The following ARFGEF1 variants were observed in gnomAD, a reference collection of about 807,000 sequenced individuals.
ARFGEF1 encodes the protein brefeldin A-inhibited guanine nucleotide-exchange protein 1.
ARFGEF1 carries 42 observed loss-of-function variants against 231.0 expected under a neutral mutation model. The ratio of observed to expected loss-of-function variants is 0.18; its 90% CI spans 0.14 to 0.24. The LOEUF is 0.24. Ranked by LOEUF, ARFGEF1 falls within the 10% of genes least tolerant of loss-of-function variation. ARFGEF1 has a pLI of 1.00. For synonymous variants in ARFGEF1, 710 were observed against 732.3 expected (o/e 0.97, Z 0.49); for missense variants, 1,345 against 2,192.0 (o/e 0.61, Z 7.72).
At chr8:67,203,290 A>G (rs762716802) in intron 35 of ARFGEF1, 39 bp from the exon 36 acceptor site, 8 of 1,595,186 alleles carry the variant, frequency 5.0e-6, no homozygotes, top group Middle Eastern at 3.4e-4. Context: ...ACACACAGTC[A>G]CAATAATTTT....
Position 67,227,189 on chromosome 8 carries a change from ATCAGAT to A in ARFGEF1, c.3858_3863del (p.Ser1287_Asp1288del). 6.2e-7 allele frequency: 1 copy of A among 1,612,898 alleles called. No individual in the cohort carries two copies. The highest frequency in any genetic ancestry group is 1.1e-5 in the South Asian group (1 of 91,024). On this transcript the variant is annotated inframe_deletion, in exon 27 of 39. Transcript: ENST00000262215. ...CAAGTTCCACTATGCTTTCATCTTG[ATCAGAT>A]GCAGCTAGATGAAATACAGAGAAAA...
At chr8:67,227,689 T>G in intron 25 of ARFGEF1, 91 bp from the exon 26 acceptor site, 4 of 1,338,962 alleles carry the variant, frequency 3.0e-6, no homozygotes, top group Non-Finnish European at 4.1e-6. Context: ...AAGTATAGAA[T>G]AGCATAGATA....
At chr8:67,224,759 T>A in intron 29 of ARFGEF1, 144 bp downstream of exon 29, 1 of 460,134 alleles carries the variant, frequency 2.2e-6, no homozygotes. Context: ...ATTAACATAT[T>A]TTAAAATATA....
chr8:67,311,512 T>TGGGG (rs1180521239), intron 1 of ARFGEF1, among the ~76,000 whole-genome samples: 10 of 60,164 alleles, frequency 1.7e-4, no homozygotes, highest in African/African-American at 6.6e-4. Flanking sequence ...GGGAGGGAGG[T>TGGGG]GGGGGGGGGT....
rs762078571 is a variant in ARFGEF1, at chr8:67,271,684, C to CCT, written c.1572+16_1572+17dup. 3 of 1,535,718 alleles carry CCT rather than the reference C, an allele frequency of 2.0e-6. No homozygotes were observed. Among genetic ancestry groups the CCT allele is most frequent in the Non-Finnish European group, 2.7e-6 (3 of 1,114,062 alleles). On this transcript the variant is annotated intron_variant, in intron 10 of 38. Transcript: ENST00000262215. ...TGAAATATCCAATAGTAACATTATGCCTAAATGCAAAACGTACCTCAATTT... is the reference window on the plus strand; with the variant it reads ...TGAAATATCCAATAGTAACATTATGCCTCTAAATGCAAAACGTACCTCAATTT...
chr8:67,273,573 G>T (rs557015100), intron 9 of ARFGEF1, among the ~76,000 whole-genome samples: 1 of 151,834 alleles, frequency 6.6e-6, no homozygotes, highest in South Asian at 2.1e-4. Flanking sequence ...ATCTAATAAG[G>T]AATTGTTAAT....
At chr8:67,203,317 A>C in intron 35 of ARFGEF1, 66 bp from the exon 36 acceptor site, 1 of 1,543,738 alleles carries the variant, frequency 6.5e-7, no homozygotes, top group Non-Finnish European at 8.8e-7. Context: ...TTTACAACTC[A>C]ATGCTCCCCA....
At chr8:67,184,812 A>C (rs1834028442) in intron 5 of ARFGEF1, among the ~76,000 whole-genome samples, 1 of 149,298 alleles carries the variant, frequency 6.7e-6, no homozygotes, top group Admixed American at 6.7e-5. Flanking sequence ...AACGTTAAAA[A>C]CAGTCGGCCG....
intron 6 of ARFGEF1, among the ~76,000 whole-genome samples, chr8:67,289,066 T>G (rs1805886215): frequency 6.6e-6 from 1 of 152,144 alleles, no homozygotes; most frequent in Non-Finnish European, 1.5e-5. Flanking sequence ...CACAGTCTAT[T>G]GCAGAGAAAA....
chr8:67,273,401 TGG>T (rs1805178662), intron 9 of ARFGEF1, among the ~76,000 whole-genome samples: 2 of 137,836 alleles, frequency 1.5e-5, no homozygotes, highest in Non-Finnish European at 3.1e-5. Flanking sequence ...CTCTAGCAGT[TGG>T]TTTTTTTTTT....
At chr8:67,238,616 G>T (rs946380806) in intron 21 of ARFGEF1, 119 bp downstream of exon 21, 9 of 1,419,992 alleles carry the variant, frequency 6.3e-6, no homozygotes, top group Non-Finnish European at 8.6e-6. Flanking sequence ...AAAGCTAAAC[G>T]TACTTATTCG....
At chr8:67,251,166 T>C (rs1840272348) in intron 19 of ARFGEF1, 133 bp downstream of exon 19, 1 of 812,700 alleles carries the variant, frequency 1.2e-6, no homozygotes, top group Non-Finnish European at 1.7e-6. Context: ...AAATAACATG[T>C]TATATGAATT....
In ARFGEF1 at chr8:67,183,815, A is replaced by ATAAGCCAG. The variant is rs1225219691; in HGVS notation, c.561-8251_561-8244dup. Among the ~76,000 whole-genome samples the ATAAGCCAG allele has an allele frequency of 6.0e-5, 9 of 150,278 alleles. No homozygotes were observed. In the East Asian group the frequency reaches 1.8e-3, roughly 29 times the overall value. ...CCACAATTTATGAAAGAAATAATTG[A>ATAAGCCAG]TAAGCCAGACTATGTAAAAAATTGG... is the stretch of plus-strand genomic sequence containing the variant. On this transcript the variant is annotated intron_variant, in intron 5 of 5. Coordinates refer to the ARFGEF1 transcript ENST00000518789.
At chr8:67,330,919 C>T (rs1195904978) in intron 1 of ARFGEF1, among the ~76,000 whole-genome samples, 1 of 152,104 alleles carries the variant, frequency 6.6e-6, no homozygotes, top group Non-Finnish European at 1.5e-5. Context: ...TCAACTACTT[C>T]CCAACTATAA....
chr8:67,204,616 C>T lies in ARFGEF1; in HGVS notation c.4959+64G>A, dbSNP rs1354730180. On this transcript the variant is annotated intron_variant, in intron 35 of 38. Transcript: ENST00000262215. ...CTAATTCTCTAGCCTAACTCTACAG[C>T]CCAGACTGCTATACCTAACTTCCTA... 8 of 1,536,714 alleles carry T rather than the reference C, an allele frequency of 5.2e-6. No individual in the cohort carries two copies. In the East Asian group the frequency reaches 9.1e-5, roughly 17 times the overall value.
intron 38 of ARFGEF1, 82 bp from the exon 39 acceptor site, chr8:67,199,180 G>T: frequency 6.6e-7 from 1 of 1,505,182 alleles, no homozygotes. Context: ...CTACTCTGGG[G>T]CTCCATCACA....
chr8:67,250,858 A>C (rs1294644673), intron 19 of ARFGEF1, among the ~76,000 whole-genome samples: 1 of 152,210 alleles, frequency 6.6e-6, no homozygotes, highest in African/African-American at 2.4e-5. Context: ...AACACAAATA[A>C]TATTGTCTTC....
At chr8:67,270,110 T>TAAAA (rs1327464828) in intron 10 of ARFGEF1, among the ~76,000 whole-genome samples, 2 of 152,196 alleles carry the variant, frequency 1.3e-5, no homozygotes, top group African/African-American at 4.8e-5. Context: ...AAAGTTTTTT[T>TAAAA]AACTGTCTTT....
intron 5 of ARFGEF1, among the ~76,000 whole-genome samples, chr8:67,185,295 A>G (rs182150087): frequency 6.6e-6 from 1 of 152,322 alleles, no homozygotes; most frequent in Admixed American, 6.5e-5. Context: ...CCCCAGAACT[A>G]TCTTTTCGGT....
Sources: allele counts gnomAD v4.1 joint callset (sites outside exome capture counted in the v4.1 genomes callset), GRCh38; gene constraint gnomAD v4.1.1; transcripts MANE v1.5; gene names NCBI Gene and HGNC (gene_info 2026-07-23, HGNC 2026-07-21).